Variants in CDH4 observed in about 807,000 individuals in gnomAD.
The protein encoded by CDH4 is cadherin-4.
Under a neutral mutation model 86.0 loss-of-function variants are expected in CDH4, and 33 were observed. That is an observed-to-expected ratio of 0.38 (90% CI 0.29 to 0.51). CDH4 has a LOEUF of 0.51. Ranked by LOEUF, CDH4 falls within the 20% of genes least tolerant of loss-of-function variation. The pLI, the probability that CDH4 is intolerant of heterozygous loss-of-function variation, is 0.86. For synonymous variants in CDH4, 555 were observed against 549.4 expected, an observed-to-expected ratio of 1.01 and a Z score of -0.14; for missense variants, 1,114 against 1,307.4, an observed-to-expected ratio of 0.85 and a Z score of 2.28.
At chr20:61,605,869 C>T (rs989788648) in intron 2 of CDH4, among the ~76,000 whole-genome samples, 3 of 136,508 alleles carry the variant, frequency 2.2e-5, no homozygotes, top group African/African-American at 8.6e-5. Flanking sequence ...TTCCCAGTAG[C>T]GGTCAAGGCT....
At chr20:61,652,938 A>ATTTTTTTTTTTTTTTT (rs763918382) in intron 2 of CDH4, among the ~76,000 whole-genome samples, 1,529 of 94,742 alleles carry the variant, frequency 0.016, 45 homozygotes, top group Non-Finnish European at 0.025. Flanking sequence ...TTATTTATTT[A>ATTTTTTTTTTTTTTTT]TTTTTTTTTT....
chr20:61,548,519 A>G (rs2086105088), intron 2 of CDH4, among the ~76,000 whole-genome samples: 1 of 152,184 alleles, frequency 6.6e-6, no homozygotes, highest in Non-Finnish European at 1.5e-5. Flanking sequence ...TTAATATGGA[A>G]CTATCAAGCA....
chr20:61,532,248 T>G (rs1038060879), intron 2 of CDH4, among the ~76,000 whole-genome samples: 1 of 152,208 alleles, frequency 6.6e-6, no homozygotes, highest in Non-Finnish European at 1.5e-5. Flanking sequence ...TGCTGGGTTT[T>G]TCTCTCTGTC....
At chr20:61,767,037 G>C (rs1030732756) in intron 3 of CDH4, among the ~76,000 whole-genome samples, 2 of 152,222 alleles carry the variant, frequency 1.3e-5, no homozygotes, top group Non-Finnish European at 2.9e-5. Context: ...TTCCAAGCTT[G>C]AGCGGGGCTT....
chr20:61,826,939 C>T (rs936080694), intron 4 of CDH4, among the ~76,000 whole-genome samples: 162 of 149,358 alleles, frequency 1.1e-3, no homozygotes, highest in African/African-American at 3.9e-3. Context: ...ATGTGCATAG[C>T]TATTACCATT....
At chr20:61,651,308 GC>G (rs1200683177) in intron 2 of CDH4, among the ~76,000 whole-genome samples, 1 of 152,248 alleles carries the variant, frequency 6.6e-6, no homozygotes, top group Non-Finnish European at 1.5e-5. Flanking sequence ...AAGGACGAGT[GC>G]CCCTTCTGTG....
At chr20:61,596,358 G>C (rs947582855) in intron 2 of CDH4, among the ~76,000 whole-genome samples, 1 of 152,060 alleles carries the variant, frequency 6.6e-6, no homozygotes, top group Non-Finnish European at 1.5e-5. Context: ...CCACAGGAGG[G>C]GTTACTATTA....
At chr20:61,451,025 C>T (rs1250518304) in intron 2 of CDH4, among the ~76,000 whole-genome samples, 1 of 152,020 alleles carries the variant, frequency 6.6e-6, no homozygotes, top group African/African-American at 2.4e-5. Context: ...GGATCATAAG[C>T]CTCCATAGAG....
At chr20:61,910,630 G>A in intron 9 of CDH4, 23 bp downstream of exon 9, 1 of 1,602,934 alleles carries the variant, frequency 6.2e-7, no homozygotes, top group Non-Finnish European at 8.5e-7. Flanking sequence ...CTCACACCCT[G>A]CCAGGCACCC....
intron 2 of CDH4, among the ~76,000 whole-genome samples, chr20:61,658,529 G>A (rs1277870807): frequency 6.6e-6 from 1 of 152,208 alleles, no homozygotes; most frequent in Non-Finnish European, 1.5e-5. Flanking sequence ...AGCCTGCCCT[G>A]CACAAAACTC....
intron 2 of CDH4, among the ~76,000 whole-genome samples, chr20:61,339,704 C>T (rs2084639669): frequency 6.6e-6 from 1 of 152,142 alleles, no homozygotes; most frequent in East Asian, 1.9e-4. Context: ...GGGCTTCCTG[C>T]CTGCTCTTTG....
chr20:61,891,934 A>G (rs1384703662), intron 7 of CDH4, among the ~76,000 whole-genome samples: 2 of 152,054 alleles, frequency 1.3e-5, no homozygotes, highest in African/African-American at 4.8e-5. Flanking sequence ...AGTGGCTTAC[A>G]CTGCCTGATA....
intron 8 of CDH4, among the ~76,000 whole-genome samples, chr20:61,904,845 A>T (rs529192803): frequency 1.3e-3 from 203 of 152,366 alleles, no homozygotes; most frequent in African/African-American, 4.7e-3. Flanking sequence ...CATTGTGTGG[A>T]TGGGGCCTGG....
chr20:61,744,069 G>A (rs1216159177), intron 3 of CDH4, among the ~76,000 whole-genome samples: 1 of 152,186 alleles, frequency 6.6e-6, no homozygotes, highest in African/African-American at 2.4e-5. Context: ...TTTTGAACAA[G>A]GGGCCCCAAA....
intron 4 of CDH4, among the ~76,000 whole-genome samples, chr20:61,809,748 C>G (rs866897298): frequency 2.6e-4 from 40 of 152,308 alleles, no homozygotes; most frequent in African/African-American, 9.1e-4. Context: ...TTTTTCATTG[C>G]TGGGAGGCTG....
intron 10 of CDH4, among the ~76,000 whole-genome samples, chr20:61,923,960 G>A (rs570925799): frequency 4.0e-4 from 61 of 152,304 alleles, no homozygotes; most frequent in East Asian, 7.7e-4. Context: ...AGGCCGGCCC[G>A]ATCCTGGCCA....
intron 2 of CDH4, among the ~76,000 whole-genome samples, chr20:61,698,470 G>T (rs1470355430): frequency 6.6e-6 from 1 of 152,256 alleles, no homozygotes; most frequent in African/African-American, 2.4e-5. Flanking sequence ...CCAAGGCAAG[G>T]AGCTCATTCC....
At chr20:61,642,774 T>C (rs1029506378) in intron 2 of CDH4, among the ~76,000 whole-genome samples, 3 of 152,164 alleles carry the variant, frequency 2.0e-5, no homozygotes, top group Admixed American at 6.5e-5. Flanking sequence ...ACCACTTCCT[T>C]ACCTTTCCAT....
At position 61,560,833 on chromosome 20, in the gene CDH4, G is replaced by A. The variant is rs191088336; in HGVS notation, c.170-182730G>A. On this transcript the variant is annotated intron_variant, in intron 2 of 15. Transcript: ENST00000614565. ...CGGGGATAGTCCTGGCCTTCGCAGC[G>A]GGAGCTCTGGACCTCCATACTGGAT... Among the ~76,000 whole-genome samples, 31 of 152,252 alleles carry A rather than the reference G, an allele frequency of 2.0e-4. No individual in the cohort carries two copies. In the East Asian group the frequency reaches 2.3e-3, roughly 11 times the overall value.
Sources: allele counts gnomAD v4.1 joint callset (sites outside exome capture counted in the v4.1 genomes callset), GRCh38; gene constraint gnomAD v4.1.1; transcripts MANE v1.5; gene names NCBI Gene and HGNC (gene_info 2026-07-23, HGNC 2026-07-21).